ABCC3: variants seen among roughly 807,000 people sequenced by gnomAD.
ABCC3 encodes the protein ATP binding cassette subfamily C member 3.
In ABCC3, 121 loss-of-function variants were observed where a neutral mutation model predicts 165.3. The observed-to-expected ratio is 0.73, with a 90% CI of 0.63 to 0.85. The LOEUF is 0.85. Among genes scored for constraint, ABCC3 ranks in the 40% least tolerant of loss-of-function variants. The probability of loss-of-function intolerance (pLI) is 0.00; values close to 1 mark genes in which losing one functional copy is unlikely to be tolerated. For synonymous variants in ABCC3, 733 were observed against 810.1 expected (o/e 0.90, Z 1.62); for missense variants, 1,869 against 1,964.1 (o/e 0.95, Z 0.92).
Position 50,679,675 on chromosome 17 carries a change from C to G in ABCC3, c.3706-123C>G, listed in dbSNP as rs1470043627. 4 of 879,632 alleles carry G rather than the reference C, an allele frequency of 4.5e-6. No homozygotes were observed. The East Asian group carries it at 9.9e-5, about 22-fold the overall frequency. 54.5% of individuals were successfully genotyped at this position (879,632 alleles called of 1,614,324 possible). On this transcript the variant is annotated intron_variant, in intron 25 of 30. Transcript: ENST00000285238. ...GCCTGTGGGCTTGATCCAGGCCCAC[C>G]TGGGTCATCCATGGGCTAGGATCCC...
chr17:50,686,813 G>A (rs1375754520), intron 29 of ABCC3, among the ~76,000 whole-genome samples: 3 of 152,168 alleles, frequency 2.0e-5, no homozygotes, highest in African/African-American at 7.2e-5. Flanking sequence ...GCGGGAATGG[G>A]CCAGGGAGAG....
chr17:50,666,270 G>A (rs1404008278), intron 11 of ABCC3, among the ~76,000 whole-genome samples: 2 of 152,070 alleles, frequency 1.3e-5, no homozygotes, highest in East Asian at 1.9e-4. Context: ...TTGGGAGATC[G>A]AGACCAGCCA....
chr17:50,657,075 G>A lies in ABCC3; in HGVS notation c.378G>A (p.Glu126=). The A allele has an allele frequency of 1.2e-6, 2 of 1,614,132 alleles. No homozygotes were observed. Among genetic ancestry groups the A allele is most frequent in the Non-Finnish European group, 1.7e-6 (2 of 1,180,000 alleles). ...TGGCCACCCTGCTGATACAGTATGA[G>A]CGGCTGCAGGGCGTACAGTCTTCGG... ...MLLATLLIQY[E]RLQGVQSSGV... is the part of the protein sequence containing the mutation. The change falls in exon 4 of 31, where the codon GAG becomes GAA. Residue 126 remains glutamate (E), a synonymous_variant. Coordinates refer to ENST00000285238, the MANE Select transcript of ABCC3 (RefSeq NM_003786.4).
At chr17:50,686,112 T>C (rs1036252171) in intron 29 of ABCC3, among the ~76,000 whole-genome samples, 2 of 152,198 alleles carry the variant, frequency 1.3e-5, no homozygotes, top group Non-Finnish European at 2.9e-5. Flanking sequence ...GAGAATCGCT[T>C]GAACCCTGGA....
chr17:50,675,559 C>T, intron 20 of ABCC3, 72 bp from the exon 21 acceptor site: 2 of 1,566,798 alleles, frequency 1.3e-6, no homozygotes, highest in South Asian at 2.3e-5. Flanking sequence ...AGGTTTCTCC[C>T]TGACACTCCC....
At chr17:50,682,930 G>C (rs964820135) in intron 26 of ABCC3, among the ~76,000 whole-genome samples, 1 of 152,150 alleles carries the variant, frequency 6.6e-6, no homozygotes, top group Non-Finnish European at 1.5e-5. Flanking sequence ...GTGTGGCACA[G>C]TGGCTCACAC....
intron 1 of ABCC3, among the ~76,000 whole-genome samples, chr17:50,638,737 G>A (rs943332139): frequency 5.3e-5 from 8 of 152,158 alleles, no homozygotes; most frequent in African/African-American, 1.9e-4. Context: ...CTAGGGAGGG[G>A]CAGATCCCTG....
At chr17:50,677,986 C>G in intron 24 of ABCC3, 43 bp downstream of exon 24, 1 of 1,613,946 alleles carries the variant, frequency 6.2e-7, no homozygotes, top group South Asian at 1.1e-5. Flanking sequence ...CCAGGAATTC[C>G]CAGCAGGCTC....
At position 50,672,929 on chromosome 17, in the gene ABCC3, G is replaced by A; in HGVS notation, c.2242-42G>A. 1.9e-6 allele frequency: 3 copies of A among 1,591,856 alleles called. No individual in the cohort carries two copies. The South Asian group carries it at 3.3e-5, about 18-fold the overall frequency. Reference sequence around the variant, plus strand: ...AGTGGACAGGCCGTTGTCTCCCTGTGCCTGTCTGACCCCATTTTTCCCACC... The same window carrying A: ...AGTGGACAGGCCGTTGTCTCCCTGTACCTGTCTGACCCCATTTTTCCCACC... On this transcript the variant is annotated intron_variant, in intron 17 of 30. Transcript: ENST00000285238.
Position 50,668,536 on chromosome 17 carries a change from TG to T in ABCC3, c.1870+22del, listed in dbSNP as rs763744162. 6.3e-7 allele frequency: 1 copy of T among 1,590,936 alleles called. No homozygotes were observed. Among genetic ancestry groups the T allele is most frequent in the Non-Finnish European group, 8.6e-7 (1 of 1,160,606 alleles). On this transcript the variant is annotated intron_variant, in intron 14 of 30. Coordinates refer to ENST00000285238, the MANE Select transcript of ABCC3 (RefSeq NM_003786.4). The stretch of plus-strand genomic sequence containing the variant: ...TCCCCAGGTCTAGAGAGCCCCTACC[TG>T]GGCTGCCTGCCCCAGTCCTTGCTCC...
chr17:50,656,071 TA>T (rs1490371177), intron 2 of ABCC3, 63 bp downstream of exon 2: 1 of 1,239,804 alleles, frequency 8.1e-7, no homozygotes, highest in Non-Finnish European at 1.1e-6. Flanking sequence ...TTTTATTTTT[TA>T]ATTTAATTAA....
chr17:50,643,439 C>T (rs1966927480), intron 1 of ABCC3: 1 of 433,178 alleles, frequency 2.3e-6, no homozygotes, highest in Non-Finnish European at 4.7e-6. Flanking sequence ...GTACATGGTA[C>T]AACTTCTGCC....
intron 6 of ABCC3, 68 bp from the exon 7 acceptor site, chr17:50,659,169 C>A: frequency 1.9e-6 from 3 of 1,582,438 alleles, no homozygotes; most frequent in Non-Finnish European, 2.6e-6. Flanking sequence ...GAGACACTGA[C>A]CCTTGGCTCC....
At position 50,673,122 on chromosome 17, in the gene ABCC3, G is replaced by C; in HGVS notation, c.2393G>C (p.Gly798Ala). Reference protein sequence around the residue: ...HIFDHVIGPEGVLAGKTRVLV... With the variant: ...HIFDHVIGPEAVLAGKTRVLV... ...TTTGACCACGTCATCGGGCCAGAAG[G>C]CGTGCTGGCAGGCAAGGTGAGGCCT... Residue 798 changes from glycine (G) to alanine (A), a missense_variant, in exon 18 of 31, where the codon GGC (glycine) becomes GCC (alanine). Physicochemically the swap from Gly to Ala is moderately conservative, Grantham distance 60. Transcript: ENST00000285238. 1 of 1,614,028 alleles carries C rather than the reference G, an allele frequency of 6.2e-7. No homozygotes were observed. Among genetic ancestry groups the C allele is most frequent in the Non-Finnish European group, 8.5e-7 (1 of 1,180,046 alleles).
In ABCC3 at chr17:50,662,602, C is replaced by T. The variant is rs1597850651; in HGVS notation, c.999-1079C>T. Reference sequence around the variant, plus strand: ...GCCGTGAGCTGTGATGGCACCACCGCACTCCAGTCTAGGTGACAGAGAGAG... The same window carrying T: ...GCCGTGAGCTGTGATGGCACCACCGTACTCCAGTCTAGGTGACAGAGAGAG... On this transcript the variant is annotated intron_variant, in intron 8 of 30. Coordinates refer to ENST00000285238, the MANE Select transcript of ABCC3 (RefSeq NM_003786.4). 2.0e-5 allele frequency among the ~76,000 whole-genome samples: 3 copies of T among 146,924 alleles called. No individual in the cohort carries two copies. The East Asian group carries it at 6.0e-4, about 30-fold the overall frequency.
Position 50,660,948 on chromosome 17 carries a change from A to T in ABCC3, c.832A>T (p.Lys278Ter), listed in dbSNP as rs1450079323. Reference protein sequence around the residue: ...ARHKASAAPGKNASGEDEVLL... With the variant: ...ARHKASAAPG ...ACACAAGGCTTCAGCAGCACCTGGG[A>T]AAAATGCCTCCGGCGAGGACGAGGT... is the stretch of plus-strand genomic sequence containing the variant. Residue 278 changes from lysine (K) to a stop codon, truncating the protein, a stop_gained, in exon 8 of 31, where the codon AAA becomes TAA. Coordinates refer to ENST00000285238, the MANE Select transcript of ABCC3 (RefSeq NM_003786.4). LOFTEE classifies it high-confidence loss of function. The T allele has an allele frequency of 6.2e-7, 1 of 1,608,824 alleles. No individual in the cohort carries two copies. Among genetic ancestry groups the T allele is most frequent in the Admixed American group, 1.7e-5 (1 of 59,254 alleles).
At chr17:50,683,506 G>A in intron 26 of ABCC3, 104 bp from the exon 27 acceptor site, 1 of 1,321,284 alleles carries the variant, frequency 7.6e-7, no homozygotes, top group Non-Finnish European at 9.9e-7. Context: ...CCCTCCCAGG[G>A]ACCATAGTTG....
At chr17:50,678,497 C>A (rs1450793322) in intron 25 of ABCC3, among the ~76,000 whole-genome samples, 3 of 152,212 alleles carry the variant, frequency 2.0e-5, no homozygotes, top group Non-Finnish European at 4.4e-5. Context: ...CCTCAAACCC[C>A]ACATCTCTCT....
chr17:50,675,050 A>G, intron 19 of ABCC3, among the ~76,000 whole-genome samples: 1 of 151,890 alleles, frequency 6.6e-6, no homozygotes, highest in East Asian at 1.9e-4. Context: ...TGCCTGCCTC[A>G]GCCTCCCAAA....
Sources: gnomAD v4.1 joint callset for allele counts (sites outside exome capture counted in the v4.1 genomes callset) on GRCh38, gnomAD v4.1.1 for gene constraint, MANE v1.5 for transcripts, NCBI Gene and HGNC (gene_info 2026-07-23, HGNC 2026-07-21) for gene names.